Variants in ARMC8 observed in about 807,000 individuals in gnomAD.
ARMC8 encodes the protein armadillo repeat-containing protein 8.
In ARMC8, 20 loss-of-function variants were observed where a neutral mutation model predicts 99.3. The observed-to-expected ratio is 0.20, with a 90% confidence interval of 0.14 to 0.29. ARMC8 has a LOEUF of 0.29. ARMC8 is among the 10% of genes least tolerant of loss of function. The pLI is 1.00. For synonymous variants in ARMC8, 263 were observed against 278.3 expected (o/e 0.95, Z 0.55); for missense variants, 569 against 809.5 (o/e 0.70, Z 3.60).
rs752028937 is a variant in ARMC8 at position 138,290,593 on chromosome 3, A to G, written c.1942A>G (p.Ile648Val). 6.2e-7 allele frequency: 1 copy of G among 1,607,944 alleles called. No individual in the cohort carries two copies. Among genetic ancestry groups the G allele is most frequent in the Non-Finnish European group, 8.5e-7 (1 of 1,177,464 alleles). The stretch of plus-strand genomic sequence containing the variant: ...ATTACGAGACATGGGCATCGTAGAT[A>G]TTCTACACAAACTGAGTCAGTCACC... ...DKLRDMGIVD[I>V]LHKLSQSPDS... The change falls in exon 21 of 22, where the codon ATT becomes GTT. Residue 648 changes from isoleucine (I) to valine (V), a missense_variant. Ile to Val is a conservative substitution (Grantham distance 29). Around this residue, in one of 2 missense-constraint regions of ARMC8, gnomAD observed 227 missense variants for 417.9 expected, o/e 0.54. Transcript: ENST00000469044.
chr3:138,234,179 C>T (rs528682374), intron 6 of ARMC8, among the ~76,000 whole-genome samples: 19 of 151,882 alleles, frequency 1.3e-4, no homozygotes, highest in Non-Finnish European at 2.5e-4. Flanking sequence ...GATCTTGGCT[C>T]ACTGCAGCCT....
intron 6 of ARMC8, among the ~76,000 whole-genome samples, chr3:138,234,787 C>T (rs1284767901): frequency 6.6e-6 from 1 of 152,026 alleles, no homozygotes; most frequent in Admixed American, 6.6e-5. Flanking sequence ...GCTTCTGGGC[C>T]CACTTCTATA....
intron 2 of ARMC8, among the ~76,000 whole-genome samples, chr3:138,211,828 T>C (rs1312133671): frequency 6.6e-6 from 1 of 152,148 alleles, no homozygotes; most frequent in Non-Finnish European, 1.5e-5. Context: ...ATCAGAATTA[T>C]AAAATTCAAT....
intron 1 of ARMC8, among the ~76,000 whole-genome samples, chr3:138,198,069 C>T (rs1413530682): frequency 1.3e-5 from 2 of 152,118 alleles, no homozygotes; most frequent in African/African-American, 2.4e-5. Context: ...GTGCCGTACA[C>T]CTGTAGTCCC....
At chr3:138,193,169 A>G (rs1323530459) in intron 1 of ARMC8, among the ~76,000 whole-genome samples, 3 of 151,980 alleles carry the variant, frequency 2.0e-5, no homozygotes, top group African/African-American at 7.3e-5. Context: ...GGGTTTCACC[A>G]TGTTAGTCAG....
At chr3:138,235,792 TTTAGTC>T (rs2046299357) in intron 7 of ARMC8, among the ~76,000 whole-genome samples, 1 of 150,734 alleles carries the variant, frequency 6.6e-6, no homozygotes, top group South Asian at 2.1e-4. Flanking sequence ...ATTCTGTCCT[TTTAGTC>T]TTTTTTTTTT....
intron 21 of ARMC8, among the ~76,000 whole-genome samples, chr3:138,292,204 A>AT (rs1482816153): frequency 5.3e-5 from 8 of 151,670 alleles, no homozygotes; most frequent in Admixed American, 3.9e-4. Context: ...CGCCCAGCTA[A>AT]TTTTTTTGTA....
chr3:138,240,670 G>A (rs759039498), intron 10 of ARMC8, among the ~76,000 whole-genome samples: 1 of 152,162 alleles, frequency 6.6e-6, no homozygotes, highest in Non-Finnish European at 1.5e-5. Context: ...AGTAGTGAAC[G>A]ATGAAGTGCT....
intron 18 of ARMC8, among the ~76,000 whole-genome samples, chr3:138,277,475 G>A (rs2049411106): frequency 6.6e-6 from 1 of 152,176 alleles, no homozygotes. Flanking sequence ...CCATCCACCG[G>A]AAGGAATATT....
At chr3:138,215,776 C>G (rs1431295624) in intron 2 of ARMC8, among the ~76,000 whole-genome samples, 1 of 151,974 alleles carries the variant, frequency 6.6e-6, no homozygotes, top group Non-Finnish European at 1.5e-5. Context: ...TATGTATTCA[C>G]TTGTCATTAA....
intron 14 of ARMC8, 36 bp from the exon 15 acceptor site, chr3:138,267,119 C>A: frequency 1.8e-6 from 2 of 1,086,240 alleles, no homozygotes; most frequent in South Asian, 3.1e-5. Flanking sequence ...CTTCATCATT[C>A]CAAATCATTA....
chr3:138,227,460 TG>T (rs1174172346), intron 5 of ARMC8, among the ~76,000 whole-genome samples: 1 of 152,244 alleles, frequency 6.6e-6, no homozygotes, highest in Non-Finnish European at 1.5e-5. Flanking sequence ...CTTTTCTTTC[TG>T]TACACTTAGT....
At chr3:138,242,653 G>A (rs2046683063) in intron 11 of ARMC8, among the ~76,000 whole-genome samples, 1 of 152,148 alleles carries the variant, frequency 6.6e-6, no homozygotes, top group South Asian at 2.1e-4. Context: ...GGAGGTCATG[G>A]TAGAGAGAAC....
intron 18 of ARMC8, among the ~76,000 whole-genome samples, chr3:138,282,867 C>G (rs1057349063): frequency 3.9e-5 from 6 of 152,142 alleles, no homozygotes; most frequent in African/African-American, 1.4e-4. Context: ...CCGCAAGAGA[C>G]TAACCAAAAA....
At chr3:138,276,528 A>G (rs1490191298) in intron 18 of ARMC8, among the ~76,000 whole-genome samples, 2 of 152,220 alleles carry the variant, frequency 1.3e-5, no homozygotes, top group Non-Finnish European at 2.9e-5. Context: ...ATGAATGCCT[A>G]TAATAGAAAA....
intron 1 of ARMC8, among the ~76,000 whole-genome samples, chr3:138,194,710 A>G (rs748710441): frequency 1.5e-4 from 22 of 150,786 alleles, no homozygotes; most frequent in Non-Finnish European, 2.4e-4. Context: ...ATATTCCTTC[A>G]TTTTGTTCTG....
intron 12 of ARMC8, chr3:138,246,166 G>T (rs1364972738): frequency 1.0e-6 from 1 of 985,522 alleles, no homozygotes; most frequent in African/African-American, 1.7e-5. Context: ...ACTTGAAAAG[G>T]AACCATTTCT....
chr3:138,294,210 T>C (rs1357849567), intron 21 of ARMC8, among the ~76,000 whole-genome samples: 1 of 152,238 alleles, frequency 6.6e-6, no homozygotes, highest in Non-Finnish European at 1.5e-5. Flanking sequence ...AATATATCTC[T>C]CAGGTTCCTT....
intron 20 of ARMC8, among the ~76,000 whole-genome samples, chr3:138,290,245 A>G (rs1179255786): frequency 6.6e-6 from 1 of 152,206 alleles, no homozygotes; most frequent in Non-Finnish European, 1.5e-5. Flanking sequence ...TCAGTGGCAG[A>G]GGGCCTTGTA....
Sources: gnomAD v4.1 joint callset for allele counts (sites outside exome capture counted in the v4.1 genomes callset) on GRCh38, gnomAD v4.1.1 for gene constraint, gnomAD v4.1.1 regional missense constraint, MANE v1.5 for transcripts, NCBI Gene and HGNC (gene_info 2026-07-23, HGNC 2026-07-21) for gene names.